The following HHLA2 variants were observed in gnomAD, a reference collection of about 807,000 sequenced individuals.
HHLA2 encodes the protein HERV-H LTR-associating protein 2.
In HHLA2, 48 loss-of-function variants were observed where a neutral mutation model predicts 45.9. That is an observed-to-expected ratio of 1.05 (90% CI 0.83 to 1.33). The LOEUF is 1.33. HHLA2 is among the 40% of genes most tolerant of loss of function. The pLI is 0.00. For synonymous variants in HHLA2, 161 were observed against 173.9 expected (o/e 0.93, Z 0.59); for missense variants, 462 against 494.3 (o/e 0.93, Z 0.62).
intron 1 of HHLA2, among the ~76,000 whole-genome samples, chr3:108,306,008 A>C (rs2080923286): frequency 6.6e-6 from 1 of 152,124 alleles, no homozygotes; most frequent in South Asian, 2.1e-4. Context: ...TCCACTGATT[A>C]TTCATTCCCT....
At chr3:108,303,282 C>A (rs1323682692) in intron 1 of HHLA2, among the ~76,000 whole-genome samples, 1 of 152,198 alleles carries the variant, frequency 6.6e-6, no homozygotes, top group Non-Finnish European at 1.5e-5. Context: ...GTAACCTCAT[C>A]TAATTGCATT....
At chr3:108,361,790 T>G (rs2081988388) in intron 7 of HHLA2, among the ~76,000 whole-genome samples, 1 of 152,094 alleles carries the variant, frequency 6.6e-6, no homozygotes, top group South Asian at 2.1e-4. Flanking sequence ...AGACCAGGGC[T>G]TCTACTCATC....
At position 108,324,780 on chromosome 3, in the gene HHLA2, A is replaced by G. The variant is rs1576119487; in HGVS notation, c.-104-3490A>G. Among the ~76,000 whole-genome samples the G allele has an allele frequency of 2.0e-5, 3 of 152,184 alleles. No individual in the cohort carries two copies. In the South Asian group the frequency reaches 6.2e-4, roughly 32 times the overall value. On this transcript the variant is annotated intron_variant, in intron 2 of 10. Transcript: ENST00000619531. Reference sequence around the variant, plus strand: ...TCCGTGCTTTCTATTCATCTCATCTATTCTAGGGCTTTTATATGCTCTAAA... The same window carrying G: ...TCCGTGCTTTCTATTCATCTCATCTGTTCTAGGGCTTTTATATGCTCTAAA...
rs570176917 is a variant in HHLA2 at position 108,331,421 on chromosome 3, A to G, written c.-27+3074A>G. ...TCTCCTCATATACATATTTATGTGT[A>G]TAATTTTATTGCAGAACCATTTGAA... On this transcript the variant is annotated intron_variant, in intron 3 of 10. Transcript: ENST00000619531. Among the ~76,000 whole-genome samples, 15 of 152,318 alleles carry G rather than the reference A, an allele frequency of 9.8e-5. No homozygotes were observed. The South Asian group carries it at 2.1e-3, about 21-fold the overall frequency.
At chr3:108,326,906 C>T (rs767632816) in intron 2 of HHLA2, 17 of 152,200 alleles carry the variant, frequency 1.1e-4, no homozygotes, top group Non-Finnish European at 1.9e-4. Flanking sequence ...GCCCTATATT[C>T]ATAGCTCTTC....
chr3:108,312,589 G>A lies in HHLA2; in HGVS notation c.-105+1848G>A, dbSNP rs560001721. 4.6e-5 allele frequency among the ~76,000 whole-genome samples: 7 copies of A among 152,348 alleles called. No homozygotes were observed. In the South Asian group the frequency reaches 1.2e-3, roughly 27 times the overall value. On this transcript the variant is annotated intron_variant, in intron 2 of 10. Coordinates refer to ENST00000619531, the Ensembl canonical transcript of HHLA2. Reference sequence around the variant, plus strand: ...CGGGGGTGGCCCATGCCCAATGACAGGCTGATTTGAGGACAAGCTGGCCCC... The same window carrying A: ...CGGGGGTGGCCCATGCCCAATGACAAGCTGATTTGAGGACAAGCTGGCCCC...
At chr3:108,322,021 A>G (rs2081211843) in intron 2 of HHLA2, among the ~76,000 whole-genome samples, 1 of 151,740 alleles carries the variant, frequency 6.6e-6, no homozygotes, top group Non-Finnish European at 1.5e-5. Context: ...GTTGATTTTC[A>G]CCCTCGCTTG....
intron 7 of HHLA2, among the ~76,000 whole-genome samples, chr3:108,360,758 A>G (rs1414810602): frequency 1.3e-5 from 2 of 152,232 alleles, no homozygotes; most frequent in Non-Finnish European, 2.9e-5. Flanking sequence ...GGAATTTTCC[A>G]TTTGGTTATG....
chr3:108,309,228 G>A (rs1260822983), intron 1 of HHLA2, among the ~76,000 whole-genome samples: 2 of 152,092 alleles, frequency 1.3e-5, no homozygotes, highest in Admixed American at 6.6e-5. Flanking sequence ...TCTGCATATG[G>A]ATATCCAGTT....
At chr3:108,363,452 T>C (rs1339042983) in intron 8 of HHLA2, among the ~76,000 whole-genome samples, 1 of 152,214 alleles carries the variant, frequency 6.6e-6, no homozygotes, top group Non-Finnish European at 1.5e-5. Context: ...TCTGTCCTTC[T>C]GGTTGATATT....
chr3:108,303,831 A>G (rs1301396072), intron 1 of HHLA2, among the ~76,000 whole-genome samples: 1 of 150,900 alleles, frequency 6.6e-6, no homozygotes, highest in Non-Finnish European at 1.5e-5. Flanking sequence ...TTTTTTTCTC[A>G]TTTTGTCTGA....
At chr3:108,356,466 C>G (rs1395831774) in intron 6 of HHLA2, among the ~76,000 whole-genome samples, 1 of 152,012 alleles carries the variant, frequency 6.6e-6, no homozygotes, top group Non-Finnish European at 1.5e-5. Flanking sequence ...CAAAAATATA[C>G]TGAAATTGTG....
chr3:108,369,004 G>C (rs1426349640), intron 8 of HHLA2, among the ~76,000 whole-genome samples: 2 of 152,104 alleles, frequency 1.3e-5, no homozygotes, highest in African/African-American at 2.4e-5. Context: ...CAAATGAAAA[G>C]AATGGAAATC....
At chr3:108,368,332 T>C (rs2082101450) in intron 8 of HHLA2, among the ~76,000 whole-genome samples, 1 of 151,934 alleles carries the variant, frequency 6.6e-6, no homozygotes, top group Admixed American at 6.6e-5. Context: ...AGCATCATGA[T>C]GACAGGATCA....
intron 3 of HHLA2, among the ~76,000 whole-genome samples, chr3:108,329,105 A>G (rs571592088): frequency 6.6e-6 from 1 of 152,278 alleles, no homozygotes; most frequent in East Asian, 1.9e-4. Context: ...CACACTATAG[A>G]GGAAATTTAC....
intron 8 of HHLA2, among the ~76,000 whole-genome samples, chr3:108,373,796 G>C (rs2082222936): frequency 6.6e-6 from 1 of 151,944 alleles, no homozygotes; most frequent in South Asian, 2.1e-4. Context: ...TCTTCAAGGA[G>C]AACTATAAAC....
chr3:108,357,597 A>C (rs937315590), intron 6 of HHLA2, among the ~76,000 whole-genome samples: 1 of 152,092 alleles, frequency 6.6e-6, no homozygotes, highest in Admixed American at 6.6e-5. Flanking sequence ...CAAGTATATC[A>C]CCCCTCTAGC....
exon 7 of HHLA2, chr3:108,357,861 C>A: frequency 1.2e-6 from 2 of 1,605,276 alleles, no homozygotes; most frequent in Non-Finnish European, 1.7e-6. Context: ...TCATAAAATG[C>A]AAAGTGAACA....
At chr3:108,374,567 C>T (rs1174151061) in intron 8 of HHLA2, among the ~76,000 whole-genome samples, 56 of 149,500 alleles carry the variant, frequency 3.7e-4, no homozygotes, top group South Asian at 2.6e-3. Flanking sequence ...AGAAAATTTT[C>T]GCAACCTACT....
Sources: allele counts gnomAD v4.1 joint callset (sites outside exome capture counted in the v4.1 genomes callset), GRCh38; gene constraint gnomAD v4.1.1; transcripts MANE v1.5; gene names NCBI Gene and HGNC (gene_info 2026-07-23, HGNC 2026-07-21).